The following KIAA1328 variants were observed in gnomAD, a reference collection of about 807,000 sequenced individuals.
KIAA1328 encodes KIAA1328, also known as protein hinderin.
KIAA1328 carries 52 observed loss-of-function variants against 68.1 expected under a neutral mutation model. The observed-to-expected ratio is 0.76, with a 90% CI of 0.61 to 0.96. The LOEUF (loss-of-function observed/expected upper bound fraction) is 0.96. KIAA1328 is among the 40% of genes least tolerant of loss of function. The pLI is 0.00. For synonymous variants in KIAA1328, 232 were observed against 239.4 expected (o/e 0.97, Z 0.28); for missense variants, 641 against 677.6 (o/e 0.95, Z 0.60).
intron 9 of KIAA1328, among the ~76,000 whole-genome samples, chr18:37,203,047 C>G (rs546568070): frequency 4.0e-5 from 6 of 150,968 alleles, no homozygotes; most frequent in Non-Finnish European, 8.9e-5. Context: ...CTATTTCTCC[C>G]CCTTTTCCTT....
intron 5 of KIAA1328, among the ~76,000 whole-genome samples, chr18:36,889,976 A>T (rs945006778): frequency 6.6e-6 from 1 of 152,150 alleles, no homozygotes; most frequent in Non-Finnish European, 1.5e-5. Flanking sequence ...GCTCATTGGG[A>T]GGAAACCAAG....
At chr18:36,855,757 G>A (rs1333748838) in intron 4 of KIAA1328, among the ~76,000 whole-genome samples, 1 of 149,336 alleles carries the variant, frequency 6.7e-6, no homozygotes, top group Admixed American at 6.6e-5. Context: ...ACATCCCTGT[G>A]TTTTCTTCTG....
intron 6 of KIAA1328, among the ~76,000 whole-genome samples, chr18:36,964,009 T>G (rs2051810305): frequency 6.6e-6 from 1 of 152,230 alleles, no homozygotes; most frequent in Admixed American, 6.5e-5. Flanking sequence ...ATTATCTCTG[T>G]TTTATGCCTC....
chr18:36,840,732 T>A (rs1028760326), intron 3 of KIAA1328, among the ~76,000 whole-genome samples: 2 of 152,174 alleles, frequency 1.3e-5, no homozygotes, highest in Admixed American at 6.5e-5. Context: ...ATTATAGGCA[T>A]GAGCCACTGT....
chr18:36,896,659 A>G (rs11660125), intron 5 of KIAA1328, among the ~76,000 whole-genome samples: 20,701 of 152,202 alleles, frequency 0.14, 1,760 homozygotes, highest in Admixed American at 0.18. Flanking sequence ...GATAAATGGT[A>G]CTAAACCTGT....
chr18:36,953,990 T>A (rs1006657327), intron 5 of KIAA1328, among the ~76,000 whole-genome samples: 1 of 104,008 alleles, frequency 9.6e-6, no homozygotes, highest in African/African-American at 2.7e-5. Context: ...TTTGTCTGAT[T>A]GTTTCTTTTT....
At chr18:36,935,862 AT>A (rs889041512) in intron 5 of KIAA1328, among the ~76,000 whole-genome samples, 18 of 152,230 alleles carry the variant, frequency 1.2e-4, no homozygotes, top group African/African-American at 4.3e-4. Context: ...TTATGTGGCA[AT>A]TTGCATGTAT....
chr18:36,868,297 G>A (rs2150918487), intron 4 of KIAA1328, among the ~76,000 whole-genome samples: 1 of 152,214 alleles, frequency 6.6e-6, no homozygotes, highest in Admixed American at 6.5e-5. Flanking sequence ...AAGGATAAGT[G>A]GAATATTGAT....
chr18:37,003,149 A>C (rs72890503), intron 6 of KIAA1328, among the ~76,000 whole-genome samples: 16,132 of 152,166 alleles, frequency 0.11, 1,082 homozygotes, highest in Non-Finnish European at 0.13. Context: ...ATGCAGAATA[A>C]TGAAACTGAA....
intron 7 of KIAA1328, among the ~76,000 whole-genome samples, chr18:37,157,041 G>GAAAGTACTAAGA (rs1402204427): frequency 6.6e-6 from 1 of 152,160 alleles, no homozygotes; most frequent in East Asian, 1.9e-4. Flanking sequence ...TGAAGACCAA[G>GAAAGTACTAAGA]GGAGAAAACA....
intron 6 of KIAA1328, among the ~76,000 whole-genome samples, chr18:37,001,073 C>A (rs1267306098): frequency 6.6e-6 from 1 of 151,338 alleles, no homozygotes; most frequent in Non-Finnish European, 1.5e-5. Context: ...ACTTAAAAAA[C>A]AAGATGAAAA....
At chr18:36,921,465 G>A (rs139321059) in intron 5 of KIAA1328, among the ~76,000 whole-genome samples, 1,852 of 152,050 alleles carry the variant, frequency 0.012, 38 homozygotes, top group African/African-American at 0.042. Context: ...ATGCAGTGGC[G>A]TCATATCGGC....
intron 9 of KIAA1328, among the ~76,000 whole-genome samples, chr18:37,182,686 G>C (rs551896321): frequency 2.6e-5 from 4 of 152,216 alleles, no homozygotes; most frequent in African/African-American, 9.6e-5. Flanking sequence ...TCATCTCAGA[G>C]GTGGGCAGTT....
intron 5 of KIAA1328, among the ~76,000 whole-genome samples, chr18:36,956,553 G>T (rs931353676): frequency 6.7e-6 from 1 of 149,958 alleles, no homozygotes; most frequent in African/African-American, 2.5e-5. Flanking sequence ...TGGGGGGGGG[G>T]TGCATTTAGA....
At position 36,954,151 on chromosome 18, in the gene KIAA1328, T is replaced by C. The variant is rs989970462; in HGVS notation, c.449-5157T>C. On this transcript the variant is annotated intron_variant, in intron 5 of 9. Transcript: ENST00000280020. ...CCGAGTAGCTGGGACTACAGGCGCC[T>C]GCCACCGCGCCCGGCTAATTTTTTG... Among the ~76,000 whole-genome samples the C allele has an allele frequency of 3.3e-5, 5 of 152,052 alleles. No homozygotes were observed. The South Asian group carries it at 6.2e-4, about 19-fold the overall frequency.
At chr18:37,231,357 C>A (rs1473195312), downstream of KIAA1328, 1 of 152,130 alleles carries the variant, frequency 6.6e-6, no homozygotes, top group Non-Finnish European at 1.5e-5. Flanking sequence ...TGAGAAGTGA[C>A]CATTTCTGCC....
At chr18:37,126,951 A>T (rs2058407363) in intron 7 of KIAA1328, among the ~76,000 whole-genome samples, 1 of 152,166 alleles carries the variant, frequency 6.6e-6, no homozygotes, top group Non-Finnish European at 1.5e-5. Context: ...GGTAAGACTG[A>T]TCTGTAAAAA....
chr18:37,195,554 T>C (rs867841822), intron 9 of KIAA1328, among the ~76,000 whole-genome samples: 33 of 152,320 alleles, frequency 2.2e-4, no homozygotes, highest in African/African-American at 7.5e-4. Flanking sequence ...TTAAAGAGAC[T>C]GTCCTTTCCC....
At chr18:37,136,912 G>GT (rs1265378421) in intron 7 of KIAA1328, among the ~76,000 whole-genome samples, 1 of 152,196 alleles carries the variant, frequency 6.6e-6, no homozygotes, top group Non-Finnish European at 1.5e-5. Context: ...TAATTTAGCT[G>GT]TTTAGTGATC....
Sources: allele counts gnomAD v4.1 joint callset (sites outside exome capture counted in the v4.1 genomes callset), GRCh38; gene constraint gnomAD v4.1.1; transcripts MANE v1.5; gene names NCBI Gene and HGNC (gene_info 2026-07-23, HGNC 2026-07-21).